Variants in XPO1 observed in about 807,000 individuals in gnomAD.
XPO1 encodes the protein exportin-1.
Under a neutral mutation model 133.3 loss-of-function variants are expected in XPO1, and 5 were observed. The observed-to-expected ratio is 0.04, with a 90% CI of 0.02 to 0.08. The LOEUF is 0.08. Among genes scored for constraint, XPO1 ranks in the 10% least tolerant of loss-of-function variants. The probability of loss-of-function intolerance (pLI) is 1.00; values close to 1 mark genes in which losing one functional copy is unlikely to be tolerated. For synonymous variants in XPO1, 419 were observed against 408.2 expected, an observed-to-expected ratio of 1.03 and a Z score of -0.32; for missense variants, 506 against 1,267.5, an observed-to-expected ratio of 0.40 and a Z score of 9.12.
At chr2:61,529,995 T>C (rs1317334416) in intron 2 of XPO1, among the ~76,000 whole-genome samples, 2 of 152,190 alleles carry the variant, frequency 1.3e-5, no homozygotes, top group East Asian at 1.9e-4. Flanking sequence ...TAATGTGTCA[T>C]ATGAGAAATG....
At chr2:61,515,940 CACA>C (rs1435694650) in intron 4 of XPO1, among the ~76,000 whole-genome samples, 5 of 49,472 alleles carry the variant, frequency 1.0e-4, no homozygotes, top group African/African-American at 2.4e-4. Context: ...AAAAAAACCA[CACA>C]CACACACACA....
intron 20 of XPO1, chr2:61,485,368 A>G (rs1469783344): frequency 6.4e-6 from 1 of 156,792 alleles, no homozygotes; most frequent in Admixed American, 6.4e-5. Context: ...TCTGTTTTCC[A>G]TATTTACTTT....
intron 2 of XPO1, among the ~76,000 whole-genome samples, chr2:61,527,393 T>C (rs576538232): frequency 9.7e-4 from 144 of 148,986 alleles, no homozygotes; most frequent in South Asian, 4.3e-3. Flanking sequence ...GAGACCGAGA[T>C]GGGAGGATCA....
chr2:61,503,849 G>A (rs1244558105), intron 4 of XPO1, among the ~76,000 whole-genome samples: 1 of 152,208 alleles, frequency 6.6e-6, no homozygotes, highest in East Asian at 1.9e-4. Flanking sequence ...TTATAGGCAT[G>A]AGCCACCAGG....
At chr2:61,479,802 A>G (rs1467635310) in intron 24 of XPO1, among the ~76,000 whole-genome samples, 1 of 152,120 alleles carries the variant, frequency 6.6e-6, no homozygotes, top group East Asian at 1.9e-4. Flanking sequence ...AGCTCAGACA[A>G]TCCACCTGTC....
chr2:61,504,492 G>C (rs1281705868), intron 4 of XPO1, among the ~76,000 whole-genome samples: 1 of 152,036 alleles, frequency 6.6e-6, no homozygotes, highest in Non-Finnish European at 1.5e-5. Flanking sequence ...TCTCACATCT[G>C]TTCACTTTAC....
At chr2:61,487,487 A>G (rs1259476141) in intron 19 of XPO1, among the ~76,000 whole-genome samples, 6 of 152,136 alleles carry the variant, frequency 3.9e-5, no homozygotes, top group Non-Finnish European at 8.8e-5. Context: ...TTAACAAGAA[A>G]CAATACTGAA....
intron 4 of XPO1, among the ~76,000 whole-genome samples, chr2:61,510,517 A>C (rs1031075717): frequency 6.6e-6 from 1 of 152,220 alleles, no homozygotes; most frequent in African/African-American, 2.4e-5. Context: ...TAATGTTAAG[A>C]GAAATGGATC....
intron 1 of XPO1, chr2:61,534,166 T>G (rs1699271078): frequency 3.7e-6 from 1 of 272,788 alleles, no homozygotes; most frequent in Non-Finnish European, 6.8e-6. Flanking sequence ...CCTATTCTAC[T>G]AACATTTATA....
At chr2:61,488,809 G>T in intron 17 of XPO1, 38 bp from the exon 18 acceptor site, 1 of 1,604,938 alleles carries the variant, frequency 6.2e-7, no homozygotes, top group South Asian at 1.1e-5. Flanking sequence ...TATCATATAA[G>T]AATTATCCAC....
chr2:61,532,583 A>T (rs1480930483), intron 2 of XPO1, among the ~76,000 whole-genome samples: 1 of 151,918 alleles, frequency 6.6e-6, no homozygotes, highest in Non-Finnish European at 1.5e-5. Flanking sequence ...CATGCCTGTC[A>T]TCTCCACACT....
intron 3 of XPO1, chr2:61,525,618 C>T: frequency 2.0e-6 from 2 of 1,020,370 alleles, no homozygotes; most frequent in Non-Finnish European, 2.4e-6. Flanking sequence ...GCAAAATTTA[C>T]CAGGCAAGCA....
At chr2:61,519,818 A>G (rs1483086757) in intron 4 of XPO1, among the ~76,000 whole-genome samples, 1 of 152,092 alleles carries the variant, frequency 6.6e-6, no homozygotes, top group African/African-American at 2.4e-5. Flanking sequence ...TAATTTTGGC[A>G]TACTCTTATG....
chr2:61,495,559 C>G lies in XPO1; in HGVS notation c.943G>C (p.Glu315Gln). ...CTGAGATTTTGAATGAAGTTCTGTT[C>G]ATCATCTTTTCCATTTGAGTACGCA... ...RLAYSNGKDD[E>Q]QNFIQNLSLF... is the part of the protein sequence containing the mutation. The change falls in exon 11 of 25, where the codon GAA becomes CAA. Residue 315 changes from glutamate to glutamine, a missense_variant. By Grantham distance (29) the Glu-to-Gln change is conservative (BLOSUM62 2). Around this residue, in one of 6 missense-constraint regions of XPO1, gnomAD observed 134 missense variants for 261.6 expected, o/e 0.51. Transcript: ENST00000401558. The G allele has an allele frequency of 6.3e-7, 1 of 1,588,312 alleles. No homozygotes were observed. The highest frequency in any genetic ancestry group is 8.6e-7 in the Non-Finnish European group (1 of 1,163,260).
intron 6 of XPO1, among the ~76,000 whole-genome samples, chr2:61,501,107 A>G (rs1697492193): frequency 6.6e-6 from 1 of 152,118 alleles, no homozygotes; most frequent in Non-Finnish European, 1.5e-5. Flanking sequence ...CTCTCTCACC[A>G]CTCAGAGAAG....
chr2:61,508,713 T>C (rs750122612), intron 4 of XPO1, among the ~76,000 whole-genome samples: 16 of 152,204 alleles, frequency 1.1e-4, no homozygotes, highest in Non-Finnish European at 2.4e-4. Flanking sequence ...CTCTTTAAAA[T>C]ATTGAGAACA....
chr2:61,526,406 C>A lies in XPO1; in HGVS notation c.228+14G>T. 4 of 1,599,650 alleles carry A rather than the reference C, an allele frequency of 2.5e-6. No individual in the cohort carries two copies. Among genetic ancestry groups the A allele is most frequent in the Non-Finnish European group, 1.7e-6 (2 of 1,175,996 alleles). On this transcript the variant is annotated intron_variant, in intron 3 of 24. Coordinates refer to ENST00000401558, the MANE Select transcript of XPO1 (RefSeq NM_003400.4). Reference sequence around the variant, plus strand: ...GAAAAGAAATAACAGATTTTAAAACCACCACTTGCTTACTTTCGTATTCAT... The same window carrying A: ...GAAAAGAAATAACAGATTTTAAAACAACCACTTGCTTACTTTCGTATTCAT...
chr2:61,535,200 C>T (rs1350898595), intron 1 of XPO1, among the ~76,000 whole-genome samples: 1 of 152,188 alleles, frequency 6.6e-6, no homozygotes, highest in Non-Finnish European at 1.5e-5. Flanking sequence ...TCTTCAAAGC[C>T]AATGCCACTC....
chr2:61,489,505 G>A (rs999342638), intron 17 of XPO1, among the ~76,000 whole-genome samples: 6 of 150,818 alleles, frequency 4.0e-5, no homozygotes, highest in South Asian at 4.2e-4. Context: ...TGGTAAAAAC[G>A]AACACAAACG....
Sources: gnomAD v4.1 joint callset for allele counts (sites outside exome capture counted in the v4.1 genomes callset) on GRCh38, gnomAD v4.1.1 for gene constraint, gnomAD v4.1.1 regional missense constraint, MANE v1.5 for transcripts, NCBI Gene and HGNC (gene_info 2026-07-23, HGNC 2026-07-21) for gene names.